SNTG1: variants seen among roughly 807,000 people sequenced by gnomAD.
SNTG1 encodes the protein gamma-1-syntrophin.
Under a neutral mutation model 74.7 loss-of-function variants are expected in SNTG1, and 39 were observed. The ratio of observed to expected loss-of-function variants is 0.52; its 90% CI spans 0.40 to 0.68. The LOEUF (loss-of-function observed/expected upper bound fraction) is 0.68. Ranked by LOEUF, SNTG1 falls within the 30% of genes least tolerant of loss-of-function variation. The pLI is 0.00. For missense variants in SNTG1, 685 were observed against 609.5 expected (o/e 1.12, Z -1.30); for synonymous variants, 254 against 217.1 (o/e 1.17, Z -1.49).
intron 13 of SNTG1, among the ~76,000 whole-genome samples, chr8:50,615,193 C>T (rs1171554020): frequency 1.3e-5 from 2 of 152,090 alleles, no homozygotes; most frequent in South Asian, 2.1e-4. Flanking sequence ...ATCTCTTGAC[C>T]TCATGATCTG....
At chr8:50,391,431 A>G (rs902450829) in intron 2 of SNTG1, among the ~76,000 whole-genome samples, 1 of 152,148 alleles carries the variant, frequency 6.6e-6, no homozygotes, top group Non-Finnish European at 1.5e-5. Context: ...CCACTTGATC[A>G]TGGTGGATAA....
intron 4 of SNTG1, among the ~76,000 whole-genome samples, chr8:50,420,863 A>G (rs2093073022): frequency 6.6e-6 from 1 of 151,790 alleles, no homozygotes; most frequent in East Asian, 1.9e-4. Flanking sequence ...CATCTCTACT[A>G]AAAATACAAA....
At chr8:50,529,889 T>G (rs1166350451) in intron 9 of SNTG1, among the ~76,000 whole-genome samples, 1 of 140,742 alleles carries the variant, frequency 7.1e-6, no homozygotes, top group Non-Finnish European at 1.6e-5. Flanking sequence ...CCACTTTAGA[T>G]AATTAAACAA....
rs531342991 is a variant in SNTG1, at chr8:49,998,410, AC to A, written c.-103+86180del. On this transcript the variant is annotated intron_variant, in intron 1 of 18. Coordinates refer to ENST00000642720, the MANE Select transcript of SNTG1 (RefSeq NM_018967.5). ...CAATAATAAACCTTAGCCTGCTGTA[AC>A]TTTTTTACTTTATAAACTTAATTTT... Among the ~76,000 whole-genome samples, 417 of 152,268 alleles carry A rather than the reference AC, an allele frequency of 2.7e-3. 2 individuals are homozygous for A. The highest frequency in any genetic ancestry group is 9.5e-3 in the African/African-American group (396 of 41,544).
chr8:50,427,283 A>G (rs184094758), intron 4 of SNTG1, among the ~76,000 whole-genome samples: 1 of 152,338 alleles, frequency 6.6e-6, no homozygotes, highest in East Asian at 1.9e-4. Context: ...AATTTTACTA[A>G]GTAAGCTTTG....
At chr8:50,659,770 T>C (rs2095207488) in intron 15 of SNTG1, among the ~76,000 whole-genome samples, 1 of 152,144 alleles carries the variant, frequency 6.6e-6, no homozygotes, top group African/African-American at 2.4e-5. Context: ...AAACAGAGGC[T>C]AGTATCTGAG....
intron 1 of SNTG1, among the ~76,000 whole-genome samples, chr8:50,032,860 T>C (rs1021936137): frequency 6.6e-6 from 1 of 152,150 alleles, no homozygotes; most frequent in Non-Finnish European, 1.5e-5. Flanking sequence ...AGCTAAAGGA[T>C]ATAATCAAAT....
At chr8:50,218,850 CAG>C (rs1469792008) in intron 2 of SNTG1, among the ~76,000 whole-genome samples, 2 of 152,062 alleles carry the variant, frequency 1.3e-5, no homozygotes, top group African/African-American at 4.8e-5. Context: ...AAGAGGAATC[CAG>C]AGAGGCAGAA....
chr8:50,666,327 C>T (rs1409720424), intron 15 of SNTG1, among the ~76,000 whole-genome samples: 1 of 152,132 alleles, frequency 6.6e-6, no homozygotes, highest in African/African-American at 2.4e-5. Flanking sequence ...AGAACAACCA[C>T]ATGCAGCAGA....
chr8:50,187,315 A>C (rs2083420505), intron 2 of SNTG1, among the ~76,000 whole-genome samples: 1 of 152,102 alleles, frequency 6.6e-6, no homozygotes, highest in Admixed American at 6.6e-5. Flanking sequence ...GTACCAAAAC[A>C]GACATATAGA....
intron 17 of SNTG1, among the ~76,000 whole-genome samples, chr8:50,746,830 TATATATA>T (rs1256431067): frequency 5.4e-5 from 8 of 147,656 alleles, no homozygotes; most frequent in African/African-American, 2.0e-4. Context: ...ATATTGTAAA[TATATATA>T]ATATATAATA....
intron 2 of SNTG1, among the ~76,000 whole-genome samples, chr8:50,300,056 C>CT (rs527428114): frequency 6.6e-6 from 1 of 151,972 alleles, no homozygotes; most frequent in Non-Finnish European, 1.5e-5. Context: ...TTTTAAAACA[C>CT]TTTTTTTGAG....
chr8:50,117,511 G>A (rs1411396876), intron 1 of SNTG1, among the ~76,000 whole-genome samples: 1 of 152,120 alleles, frequency 6.6e-6, no homozygotes, highest in Non-Finnish European at 1.5e-5. Context: ...ACAGGGAAAT[G>A]CCAATATTTC....
At chr8:50,268,979 A>G (rs182482914) in intron 2 of SNTG1, among the ~76,000 whole-genome samples, 9 of 152,258 alleles carry the variant, frequency 5.9e-5, no homozygotes, top group African/African-American at 2.2e-4. Flanking sequence ...TTTGAAAGGT[A>G]CAAAAGCATT....
intron 15 of SNTG1, among the ~76,000 whole-genome samples, chr8:50,701,733 T>TTCTTC (rs2095425791): frequency 2.2e-5 from 1 of 44,810 alleles, no homozygotes; most frequent in Admixed American, 2.4e-4. Context: ...TCTTCTTCTT[T>TTCTTC]TTCTTTTTCT....
At chr8:50,520,010 T>G (rs890181167) in intron 9 of SNTG1, among the ~76,000 whole-genome samples, 3 of 152,074 alleles carry the variant, frequency 2.0e-5, no homozygotes, top group Non-Finnish European at 2.9e-5. Context: ...AGAACAAAAC[T>G]GGAGGCATCA....
intron 2 of SNTG1, among the ~76,000 whole-genome samples, chr8:50,176,209 C>A (rs576552212): frequency 1.4e-4 from 22 of 152,230 alleles, no homozygotes; most frequent in African/African-American, 4.6e-4. Context: ...CTGTGGCCTG[C>A]CCCTCTCTGT....
At chr8:50,046,672 G>A (rs569075628) in intron 1 of SNTG1, among the ~76,000 whole-genome samples, 64 of 152,180 alleles carry the variant, frequency 4.2e-4, no homozygotes, top group African/African-American at 1.4e-3. Context: ...AAAAAACAAA[G>A]AGAATCCCAG....
intron 8 of SNTG1, among the ~76,000 whole-genome samples, chr8:50,470,771 G>C (rs1262598620): frequency 1.3e-5 from 2 of 152,190 alleles, no homozygotes; most frequent in Non-Finnish European, 2.9e-5. Context: ...AGAGTGAGCA[G>C]CAGCAAGATT....
Sources: gnomAD v4.1 joint callset for allele counts (sites outside exome capture counted in the v4.1 genomes callset) on GRCh38, gnomAD v4.1.1 for gene constraint, MANE v1.5 for transcripts, NCBI Gene and HGNC (gene_info 2026-07-23, HGNC 2026-07-21) for gene names.